PPARGC1A: variants seen among roughly 807,000 people sequenced by gnomAD.
PPARGC1A encodes peroxisome proliferator-activated receptor gamma coactivator 1-alpha.
A neutral mutation model predicts 88.7 loss-of-function variants in PPARGC1A; 25 were observed. The ratio of observed to expected loss-of-function variants is 0.28; its 90% CI spans 0.21 to 0.39. The LOEUF is 0.39. Among genes scored for constraint, PPARGC1A ranks in the 10% least tolerant of loss-of-function variants. The pLI is 1.00. For missense variants in PPARGC1A, 880 were observed against 968.7 expected, an observed-to-expected ratio of 0.91 and a Z score of 1.22; for synonymous variants, 363 against 355.6, an observed-to-expected ratio of 1.02 and a Z score of -0.24.
At chr4:24,274,844 T>C in the PPARGC1A span, among the ~76,000 whole-genome samples, 1 of 152,312 alleles carries the variant, frequency 6.6e-6, no homozygotes, top group East Asian at 1.9e-4. Context: ...TGTTTTCCAT[T>C]TGTGTCCCAT....
the PPARGC1A span, among the ~76,000 whole-genome samples, chr4:24,249,917 A>C: frequency 6.6e-6 from 1 of 152,196 alleles, no homozygotes; most frequent in African/African-American, 2.4e-5. Flanking sequence ...CTTAAACCAT[A>C]ATCTACATAG....
intron 12 of PPARGC1A, 95 bp downstream of exon 12, chr4:23,801,635 T>C: frequency 7.5e-7 from 1 of 1,329,122 alleles, no homozygotes; most frequent in Non-Finnish European, 1.1e-6. Flanking sequence ...TAAAATAAAG[T>C]GATGGTTCAA....
At chr4:23,815,078 A>C (rs929648793) in intron 7 of PPARGC1A, among the ~76,000 whole-genome samples, 8 of 151,682 alleles carry the variant, frequency 5.3e-5, no homozygotes, top group African/African-American at 1.9e-4. Flanking sequence ...GTCTTTGTCC[A>C]ATCAAGAGAA....
At chr4:24,278,667 C>T in the PPARGC1A span, among the ~76,000 whole-genome samples, 1 of 152,224 alleles carries the variant, frequency 6.6e-6, no homozygotes, top group Non-Finnish European at 1.5e-5. Flanking sequence ...AACTCCTTCC[C>T]TTTCTTCTCG....
the PPARGC1A span, among the ~76,000 whole-genome samples, chr4:24,106,249 A>G: frequency 3.4e-3 from 511 of 152,282 alleles, 4 homozygotes; most frequent in African/African-American, 0.011. Flanking sequence ...AAGTTTCTCC[A>G]TGTATCTGTT....
chr4:24,417,738 T>C, the PPARGC1A span, among the ~76,000 whole-genome samples: 1 of 152,204 alleles, frequency 6.6e-6, no homozygotes, highest in Admixed American at 6.5e-5. Flanking sequence ...GTATACATTA[T>C]ATTGAGTTCA....
the PPARGC1A span, among the ~76,000 whole-genome samples, chr4:24,379,025 G>A: frequency 5.0e-3 from 756 of 152,142 alleles, 16 homozygotes; most frequent in African/African-American, 0.017. Flanking sequence ...CTTGTATTGT[G>A]GTAAATCTTC....
chr4:23,978,342 G>A, the PPARGC1A span, among the ~76,000 whole-genome samples: 1 of 152,144 alleles, frequency 6.6e-6, no homozygotes, highest in Non-Finnish European at 1.5e-5. Flanking sequence ...TTGCATAGAA[G>A]ATTTGTTATG....
At chr4:24,296,287 G>A in the PPARGC1A span, among the ~76,000 whole-genome samples, 12 of 151,386 alleles carry the variant, frequency 7.9e-5, no homozygotes, top group Non-Finnish European at 1.2e-4. Context: ...TTTAGTATAA[G>A]CATGTTCCAA....
At chr4:23,924,290 A>C in the PPARGC1A span, among the ~76,000 whole-genome samples, 1 of 152,198 alleles carries the variant, frequency 6.6e-6, no homozygotes, top group Non-Finnish European at 1.5e-5. Context: ...GGGGACTGTC[A>C]GCACTCCTTG....
At chr4:23,933,144 G>T in the PPARGC1A span, among the ~76,000 whole-genome samples, 4 of 152,122 alleles carry the variant, frequency 2.6e-5, no homozygotes, top group East Asian at 7.8e-4. Context: ...TTTTTTTTAA[G>T]TAGGGGCCAT....
the PPARGC1A span, among the ~76,000 whole-genome samples, chr4:24,072,595 C>T: frequency 6.6e-6 from 1 of 151,906 alleles, no homozygotes; most frequent in African/African-American, 2.4e-5. Flanking sequence ...TCAACAACCC[C>T]CCAAAATTAA....
intron 2 of PPARGC1A, among the ~76,000 whole-genome samples, chr4:23,864,962 T>C (rs1711579177): frequency 6.6e-6 from 1 of 152,230 alleles, no homozygotes; most frequent in East Asian, 1.9e-4. Context: ...GGTGGGTGAA[T>C]TGCCTGAGCT....
the PPARGC1A span, among the ~76,000 whole-genome samples, chr4:23,941,938 C>A: frequency 6.6e-6 from 1 of 152,164 alleles, no homozygotes; most frequent in Non-Finnish European, 1.5e-5. Context: ...ACTAAAATAT[C>A]TGCCATCATT....
chr4:24,109,213 G>T, the PPARGC1A span, among the ~76,000 whole-genome samples: 1 of 150,460 alleles, frequency 6.6e-6, no homozygotes, highest in East Asian at 2.0e-4. Context: ...TGTCTAGTCT[G>T]CTTTATTTAA....
chr4:23,901,684 T>C (rs367628825), upstream of PPARGC1A, among the ~76,000 whole-genome samples: 1 of 151,984 alleles, frequency 6.6e-6, no homozygotes, highest in African/African-American at 2.4e-5. Context: ...ATATCTGAAA[T>C]ACACACAGAG....
chr4:23,983,342 T>C, the PPARGC1A span, among the ~76,000 whole-genome samples: 1 of 152,166 alleles, frequency 6.6e-6, no homozygotes, highest in Non-Finnish European at 1.5e-5. Context: ...ATGAAGGACA[T>C]CGTGAGACAA....
the PPARGC1A span, among the ~76,000 whole-genome samples, chr4:24,187,323 T>C: frequency 2.5e-4 from 38 of 152,156 alleles, no homozygotes; most frequent in Admixed American, 1.6e-3. Context: ...TTATGCCCAT[T>C]ATACAGATAA....
At chr4:24,162,145 A>T in the PPARGC1A span, among the ~76,000 whole-genome samples, 1 of 152,212 alleles carries the variant, frequency 6.6e-6, no homozygotes, top group Non-Finnish European at 1.5e-5. Flanking sequence ...ATTCTCACTC[A>T]TAAATGGGAG....
Sources: allele counts gnomAD v4.1 joint callset (sites outside exome capture counted in the v4.1 genomes callset), GRCh38; gene constraint gnomAD v4.1.1; transcripts MANE v1.5; gene names NCBI Gene and HGNC (gene_info 2026-07-23, HGNC 2026-07-21).